The following DLGAP2 variants were observed in gnomAD, a reference collection of about 807,000 sequenced individuals.
DLGAP2 encodes the protein DLG associated protein 2, also known as disks large-associated protein 2.
In DLGAP2, 26 loss-of-function variants were observed where a neutral mutation model predicts 100.3. That is an observed-to-expected ratio of 0.26 (90% confidence interval 0.19 to 0.36). The LOEUF is 0.36. Ranked by LOEUF, DLGAP2 falls within the 10% of genes least tolerant of loss-of-function variation. The pLI is 1.00. For missense variants in DLGAP2, 1,858 were observed against 1,453.2 expected, an observed-to-expected ratio of 1.28 and a Z score of -4.53; for synonymous variants, 886 against 630.1, an observed-to-expected ratio of 1.41 and a Z score of -6.08.
chr8:1,624,196 C>T (rs558219422), intron 6 of DLGAP2, among the ~76,000 whole-genome samples: 3 of 152,236 alleles, frequency 2.0e-5, no homozygotes, highest in South Asian at 2.1e-4. Context: ...TCAGAAGGAA[C>T]GGCTGTTGTA....
intron 4 of DLGAP2, among the ~76,000 whole-genome samples, chr8:1,531,881 G>C (rs903675029): frequency 1.1e-4 from 16 of 152,180 alleles, no homozygotes; most frequent in Admixed American, 6.5e-5. Flanking sequence ...TGCCAAGGTT[G>C]TCACGCACAC....
chr8:1,382,242 T>A (rs1423526729), intron 3 of DLGAP2, among the ~76,000 whole-genome samples: 2 of 152,320 alleles, frequency 1.3e-5, no homozygotes, highest in Non-Finnish European at 2.9e-5. Context: ...ATAAAATACA[T>A]GTACTGTTTA....
At position 930,634 on chromosome 8, in the gene DLGAP2, G is replaced by A. The variant is rs371241802; in HGVS notation, c.73+22668G>A. ...AGGTGCGTCCTGGGCTTGCCGCCAC[G>A]TTGGGTGTGGGACACAGGCTGTGGG... On this transcript the variant is annotated intron_variant, in intron 2 of 14. Coordinates refer to ENST00000637795, the MANE Select transcript of DLGAP2 (RefSeq NM_001346810.2). Among the ~76,000 whole-genome samples, 15 of 152,332 alleles carry A rather than the reference G, an allele frequency of 9.8e-5. No homozygotes were observed. In the South Asian group the frequency reaches 1.5e-3, roughly 15 times the overall value.
intron 3 of DLGAP2, among the ~76,000 whole-genome samples, chr8:1,421,748 G>A (rs935944320): frequency 2.6e-5 from 4 of 152,014 alleles, no homozygotes; most frequent in African/African-American, 4.8e-5. Flanking sequence ...GGTGGATCAC[G>A]AGGTCAGCAG....
At chr8:1,057,614 A>G (rs1802922142) in intron 2 of DLGAP2, among the ~76,000 whole-genome samples, 1 of 152,228 alleles carries the variant, frequency 6.6e-6, no homozygotes, top group African/African-American at 2.4e-5. Context: ...AAACACCGAC[A>G]AAGTCTTTCT....
At chr8:1,584,210 A>G (rs577992905) in intron 6 of DLGAP2, among the ~76,000 whole-genome samples, 12 of 152,176 alleles carry the variant, frequency 7.9e-5, no homozygotes, top group Non-Finnish European at 1.2e-4. Context: ...GGGATTATTG[A>G]TAATCAACTT....
intron 6 of DLGAP2, among the ~76,000 whole-genome samples, chr8:1,595,599 G>A (rs1318181224): frequency 1.0e-4 from 15 of 149,594 alleles, no homozygotes; most frequent in South Asian, 2.1e-4. Flanking sequence ...CCCGGGAAGC[G>A]GAGCTTGCAG....
chr8:1,376,771 G>A (rs1410447186), intron 3 of DLGAP2, among the ~76,000 whole-genome samples: 1 of 143,850 alleles, frequency 7.0e-6, no homozygotes, highest in Non-Finnish European at 1.5e-5. Context: ...CAGGGCTACC[G>A]AGACCCTCAA....
chr8:1,287,658 GTATGGTTCT>G (rs1231963335), intron 3 of DLGAP2, among the ~76,000 whole-genome samples: 3 of 101,862 alleles, frequency 2.9e-5, no homozygotes, highest in Non-Finnish European at 3.9e-5. Context: ...GTGTGTGTGT[GTATGGTTCT>G]GTTAGGAGGG....
intron 3 of DLGAP2, among the ~76,000 whole-genome samples, chr8:1,353,082 G>C (rs1023621946): frequency 1.3e-5 from 2 of 152,162 alleles, no homozygotes; most frequent in African/African-American, 2.4e-5. Context: ...AAGAAACGAC[G>C]AAGGACCCCC....
At chr8:1,548,552 G>T in intron 4 of DLGAP2, 74 bp from the exon 5 acceptor site, 1 of 1,338,150 alleles carries the variant, frequency 7.5e-7, no homozygotes, top group Non-Finnish European at 9.9e-7. Flanking sequence ...CCACGGTGGG[G>T]GTCACATATT....
At chr8:1,239,935 C>A (rs1798747031) in intron 2 of DLGAP2, among the ~76,000 whole-genome samples, 2 of 137,112 alleles carry the variant, frequency 1.5e-5, no homozygotes, top group African/African-American at 5.6e-5. Flanking sequence ...GTGTCTAGTT[C>A]TCTCACATGT....
intron 4 of DLGAP2, among the ~76,000 whole-genome samples, chr8:1,520,141 G>A (rs1485180470): frequency 1.3e-5 from 2 of 152,186 alleles, no homozygotes; most frequent in South Asian, 2.1e-4. Flanking sequence ...TACACCTGAT[G>A]AACATGTTAG....
chr8:1,452,875 T>C (rs898109068), intron 3 of DLGAP2, among the ~76,000 whole-genome samples: 1 of 152,144 alleles, frequency 6.6e-6, no homozygotes, highest in Non-Finnish European at 1.5e-5. Flanking sequence ...GTCTCTGTTT[T>C]TGTAAAAGGG....
intron 14 of DLGAP2, among the ~76,000 whole-genome samples, 178 bp from the exon 15 acceptor site, chr8:1,701,010 A>T (rs1175517612): frequency 6.6e-6 from 1 of 152,162 alleles, no homozygotes; most frequent in Non-Finnish European, 1.5e-5. Flanking sequence ...TCCTGTGCAG[A>T]AGGCAGGCCT....
intron 2 of DLGAP2, among the ~76,000 whole-genome samples, chr8:1,195,562 G>A (rs564418231): frequency 1.3e-5 from 2 of 152,274 alleles, no homozygotes; most frequent in South Asian, 4.1e-4. Flanking sequence ...CCTAAAAATA[G>A]TCTTTTAAAA....
intron 3 of DLGAP2, among the ~76,000 whole-genome samples, chr8:1,344,587 C>G (rs1013182030): frequency 2.0e-5 from 3 of 152,142 alleles, no homozygotes; most frequent in African/African-American, 4.8e-5. Flanking sequence ...CTATGATAGA[C>G]TAAGAGTGCA....
At chr8:1,212,763 C>A (rs146117017) in intron 2 of DLGAP2, among the ~76,000 whole-genome samples, 1,962 of 129,432 alleles carry the variant, frequency 0.015, 21 homozygotes, top group Middle Eastern at 0.074. Flanking sequence ...CTCTCTCTTC[C>A]CCCCCGCCCA....
At chr8:812,804 T>A (rs181456193) in intron 1 of DLGAP2, among the ~76,000 whole-genome samples, 103 of 152,318 alleles carry the variant, frequency 6.8e-4, no homozygotes, top group African/African-American at 2.3e-3. Flanking sequence ...AATTACAACA[T>A]TCAGCTTTGG....
Sources: gnomAD v4.1 joint callset for allele counts (sites outside exome capture counted in the v4.1 genomes callset) on GRCh38, gnomAD v4.1.1 for gene constraint, MANE v1.5 for transcripts, NCBI Gene and HGNC (gene_info 2026-07-23, HGNC 2026-07-21) for gene names.